RRM2: variants seen among roughly 807,000 people sequenced by gnomAD.
RRM2 encodes the protein ribonucleoside-diphosphate reductase subunit M2.
Under a neutral mutation model 45.9 loss-of-function variants are expected in RRM2, and 6 were observed. The ratio of observed to expected loss-of-function variants is 0.13; its 90% CI spans 0.07 to 0.26. RRM2 has a LOEUF of 0.26. Ranked by LOEUF, RRM2 falls within the 10% of genes least tolerant of loss-of-function variation. The probability of loss-of-function intolerance (pLI) is 1.00; values close to 1 mark genes in which losing one functional copy is unlikely to be tolerated. For synonymous variants in RRM2, 177 were observed against 173.0 expected, an observed-to-expected ratio of 1.02 and a Z score of -0.18; for missense variants, 343 against 489.5, an observed-to-expected ratio of 0.70 and a Z score of 2.82.
Position 10,127,255 on chromosome 2 carries a change from C to A in RRM2, c.798+35C>A. ...AGTCAAATAATAGGGTGACCTAAAC[C>A]CCAAACACAACTCGGGCATGCTCTT... On this transcript the variant is annotated intron_variant, in intron 7 of 9. Coordinates refer to ENST00000304567, the MANE Select transcript of RRM2 (RefSeq NM_001034.4). The surrounding 1 kb of genome is among the most constrained non-coding windows in gnomAD (Gnocchi z 4.1). 2 of 1,600,224 alleles carry A rather than the reference C, an allele frequency of 1.2e-6. No homozygotes were observed. Among genetic ancestry groups the A allele is most frequent in the Non-Finnish European group, 1.7e-6 (2 of 1,173,536 alleles).
At chr2:10,132,584 G>A (rs1662921989), downstream of RRM2, among the ~76,000 whole-genome samples, 1 of 152,182 alleles carries the variant, frequency 6.6e-6, no homozygotes, top group Admixed American at 6.5e-5. Flanking sequence ...GGCCTCCAAG[G>A]ATCAGGTATT....
intron 3 of RRM2, among the ~76,000 whole-genome samples, chr2:10,208,344 A>G (rs1451354824): frequency 6.6e-6 from 1 of 152,208 alleles, no homozygotes; most frequent in African/African-American, 2.4e-5. Context: ...AGCCTTTCCC[A>G]TTTTGAAAAT....
chr2:10,202,438 GA>G (rs1329973055), intron 3 of RRM2, among the ~76,000 whole-genome samples: 1 of 152,210 alleles, frequency 6.6e-6, no homozygotes, highest in Admixed American at 6.5e-5. Flanking sequence ...GTCAAAGACA[GA>G]TTTATTTTGG....
At chr2:10,149,098 T>C (rs1282601464) in intron 3 of RRM2, among the ~76,000 whole-genome samples, 1 of 152,042 alleles carries the variant, frequency 6.6e-6, no homozygotes, top group Admixed American at 6.6e-5. Context: ...CTGTTTTGTG[T>C]GCTTGCTTTC....
chr2:10,161,997 A>G (rs1294864818), intron 3 of RRM2, among the ~76,000 whole-genome samples: 1 of 152,224 alleles, frequency 6.6e-6, no homozygotes, highest in Admixed American at 6.5e-5. Flanking sequence ...GAGCGCAGCC[A>G]CTGGGCAGCC....
At chr2:10,143,309 C>G (rs1276835678) in intron 3 of RRM2, among the ~76,000 whole-genome samples, 3 of 152,250 alleles carry the variant, frequency 2.0e-5, no homozygotes, top group Admixed American at 1.3e-4. Context: ...TCCCTGGGAA[C>G]CTCCTCAGAC....
upstream of RRM2, among the ~76,000 whole-genome samples, chr2:10,140,975 G>T (rs1026388958): frequency 1.3e-5 from 2 of 152,156 alleles, no homozygotes; most frequent in South Asian, 2.1e-4. Context: ...GAGGTGCCCC[G>T]GGCATGTGGA....
intron 3 of RRM2, among the ~76,000 whole-genome samples, chr2:10,143,337 G>A (rs1663123549): frequency 6.6e-6 from 1 of 152,198 alleles, no homozygotes; most frequent in African/African-American, 2.4e-5. Flanking sequence ...GGCCAGATTA[G>A]GGGCCTCCTC....
chr2:10,175,586 G>A (rs1188278364), intron 3 of RRM2, among the ~76,000 whole-genome samples: 1 of 151,680 alleles, frequency 6.6e-6, no homozygotes, highest in South Asian at 2.1e-4. Flanking sequence ...CTGTTCATAT[G>A]AATTAAAAAA....
intron 3 of RRM2, among the ~76,000 whole-genome samples, chr2:10,162,383 C>T (rs1399479406): frequency 6.6e-6 from 1 of 152,054 alleles, no homozygotes; most frequent in African/African-American, 2.4e-5. Context: ...TAGTCATGAG[C>T]GCTGGCCCAG....
At position 10,181,737 on chromosome 2, in the gene RRM2, GCT is replaced by G. The variant is rs777161408; in HGVS notation, n.483-28557_483-28556del. Among the ~76,000 whole-genome samples, 6 of 125,038 alleles carry G rather than the reference GCT, an allele frequency of 4.8e-5. No individual in the cohort carries two copies. The East Asian group carries it at 6.9e-4, about 14-fold the overall frequency. The allele number at this position is 125,038 out of a possible 152,430, so 82.0% of individuals were successfully genotyped here. A position where few individuals can be genotyped will look rare whatever the true frequency, so the allele number is the denominator to read the frequency against. The stretch of plus-strand genomic sequence containing the variant: ...TGTGCTCAATCTGACAGACTGCACA[GCT>G]CTCTCTCTCTCTCTCTTTTTTTTTT... On this transcript the variant is annotated intron_variant and non_coding_transcript_variant, in intron 3 of 3. Transcript: ENST00000381786.
At chr2:10,126,162 T>TAAAAA (rs532815964) in intron 5 of RRM2, among the ~76,000 whole-genome samples, 3 of 89,360 alleles carry the variant, frequency 3.4e-5, no homozygotes, top group East Asian at 3.6e-4. Context: ...CTCATCTCTT[T>TAAAAA]AAAAAAAAAA....
At position 10,172,261 on chromosome 2, in the gene RRM2, G is replaced by T. The variant is rs1663820419; in HGVS notation, n.482+29886G>T. On this transcript the variant is annotated intron_variant and non_coding_transcript_variant, in intron 3 of 3. Transcript: ENST00000381786. The surrounding 1 kb of genome is among the most constrained non-coding windows in gnomAD (Gnocchi z 4.9). ...CCTGTCTGGCGAGGGTCTGGGGGAGGTCGGATGAGATGAAGGAGGCTGGGG... is the reference window on the plus strand; with the variant it reads ...CCTGTCTGGCGAGGGTCTGGGGGAGTTCGGATGAGATGAAGGAGGCTGGGG... 6.6e-6 allele frequency among the ~76,000 whole-genome samples: 1 copy of T among 152,120 alleles called. No individual in the cohort carries two copies. The highest frequency in any genetic ancestry group is 2.1e-4 in the South Asian group (1 of 4,816).
chr2:10,181,781 TA>T (rs569784339), intron 3 of RRM2, among the ~76,000 whole-genome samples: 1,770 of 33,500 alleles, frequency 0.053, 173 homozygotes, highest in East Asian at 0.12. Flanking sequence ...TTTTTTTTTT[TA>T]AGACAGGGTC....
rs533073500 is a variant in RRM2 at position 10,191,171 on chromosome 2, T to G, written n.483-19140T>G. On this transcript the variant is annotated intron_variant and non_coding_transcript_variant, in intron 3 of 3. Coordinates refer to the RRM2 transcript ENST00000381786. Reference sequence around the variant, plus strand: ...GGAGTGTGGCTTGTTTTCCATCTGCTCAACACTGCTCGTGCCTGGAGCCCC... The same window carrying G: ...GGAGTGTGGCTTGTTTTCCATCTGCGCAACACTGCTCGTGCCTGGAGCCCC... Among the ~76,000 whole-genome samples the G allele has an allele frequency of 2.0e-5, 3 of 152,290 alleles. No individual in the cohort carries two copies. The East Asian group carries it at 5.8e-4, about 29-fold the overall frequency.
upstream of RRM2, chr2:10,122,725 G>GTGAGGGGT (rs1423317236): frequency 6.4e-7 from 1 of 1,551,648 alleles, no homozygotes; most frequent in East Asian, 2.4e-5. Flanking sequence ...GGCTGCTGGA[G>GTGAGGGGT]TGAGGGGTCG....
At chr2:10,125,849 T>C (rs1342177412) in intron 5 of RRM2, among the ~76,000 whole-genome samples, 1 of 151,806 alleles carries the variant, frequency 6.6e-6, no homozygotes, top group Non-Finnish European at 1.5e-5. Context: ...TTTGAACATG[T>C]TTATAGGTGG....
At chr2:10,176,606 G>A (rs973565285) in intron 3 of RRM2, among the ~76,000 whole-genome samples, 1 of 151,644 alleles carries the variant, frequency 6.6e-6, no homozygotes, top group African/African-American at 2.4e-5. Context: ...TTCCACAGTG[G>A]CTGCATCATT....
rs1409480061 is a variant in RRM2, at chr2:10,169,256, G to T, written n.482+26881G>T. Among the ~76,000 whole-genome samples, 1 of 151,924 alleles carries T rather than the reference G, an allele frequency of 6.6e-6. No individual in the cohort carries two copies. Among genetic ancestry groups the T allele is most frequent in the Non-Finnish European group, 1.5e-5 (1 of 67,998 alleles). ...GCCTCCCACAGTGCTGGGATTACAG[G>T]TGTGCGCCACTGTGCCCAGCTGCTT... On this transcript the variant is annotated intron_variant and non_coding_transcript_variant, in intron 3 of 3. Transcript: ENST00000381786. This position sits in a 1 kb window ranked among gnomAD's most constrained non-coding sequence, Gnocchi z 5.1.
Sources: allele counts gnomAD v4.1 joint callset (sites outside exome capture counted in the v4.1 genomes callset), GRCh38; gene constraint gnomAD v4.1.1; non-coding constraint Gnocchi (gnomAD v3.1); transcripts MANE v1.5; gene names NCBI Gene and HGNC (gene_info 2026-07-23, HGNC 2026-07-21).